The following JPH3 variants were observed in gnomAD, a reference collection of about 807,000 sequenced individuals.
JPH3 encodes junctophilin 3.
JPH3 carries 11 observed loss-of-function variants against 59.6 expected under a neutral mutation model. That is an observed-to-expected ratio of 0.18 (90% confidence interval 0.12 to 0.31). JPH3 has a LOEUF of 0.31. Ranked by LOEUF, JPH3 falls within the 10% of genes least tolerant of loss-of-function variation. The probability of loss-of-function intolerance (pLI) is 1.00; values close to 1 mark genes in which losing one functional copy is unlikely to be tolerated. For missense variants in JPH3, 1,202 were observed against 1,105.7 expected (o/e 1.09, Z -1.24); for synonymous variants, 673 against 483.6 (o/e 1.39, Z -5.14).
intron 1 of JPH3, among the ~76,000 whole-genome samples, chr16:87,642,249 G>C (rs1039451579): frequency 5.3e-5 from 8 of 152,038 alleles, no homozygotes; most frequent in South Asian, 4.2e-4. Context: ...TAGGGAAAGG[G>C]GGGGGGCAGT....
At position 87,689,555 on chromosome 16, in the gene JPH3, G is replaced by A. The variant is rs1386569965; in HGVS notation, c.1286-91G>A. On this transcript the variant is annotated intron_variant, in intron 3 of 4. Transcript: ENST00000284262. Reference sequence around the variant, plus strand: ...TGGGAAGCGCCTCTGCTGCCCTGAGGTTCCCTCTGGCGCCCTGGCCCGGGG... The same window carrying A: ...TGGGAAGCGCCTCTGCTGCCCTGAGATTCCCTCTGGCGCCCTGGCCCGGGG... 7 of 1,389,784 alleles carry A rather than the reference G, an allele frequency of 5.0e-6. No homozygotes were observed. In the East Asian group the frequency reaches 1.3e-4, roughly 25 times the overall value. 86.1% of individuals were successfully genotyped at this position (1,389,784 alleles called of 1,614,324 possible).
chr16:87,681,211 A>T (rs1011262476), intron 2 of JPH3, among the ~76,000 whole-genome samples: 1 of 147,716 alleles, frequency 6.8e-6, no homozygotes, highest in Non-Finnish European at 1.5e-5. Flanking sequence ...CGGTGATGAC[A>T]GTTCCGGGAG....
chr16:87,686,827 C>T (rs4843671), intron 3 of JPH3, among the ~76,000 whole-genome samples: 42,750 of 152,186 alleles, frequency 0.28, 6,127 homozygotes, highest in Middle Eastern at 0.44. Context: ...GATACAGATG[C>T]GGGCCCCTGT....
rs1392791039 is a variant in JPH3, at chr16:87,690,346, G to A, written c.1986G>A (p.Lys662=). The stretch of plus-strand genomic sequence containing the variant: ...GACTGCGGTCCAAGGCCCAGAACAA[G>A]GAGAACTTCAGGCCGGCCTCCTCCG... ...VQRLRSKAQN[K]ENFRPASSAE... Residue 662 remains lysine (K), a synonymous_variant, in exon 4 of 5, where the codon AAG becomes AAA. Coordinates refer to ENST00000284262, the MANE Select transcript of JPH3 (RefSeq NM_020655.4). 1 of 1,572,240 alleles carries A rather than the reference G, an allele frequency of 6.4e-7. No individual in the cohort carries two copies. The highest frequency in any genetic ancestry group is 8.6e-7 in the Non-Finnish European group (1 of 1,160,984).
intron 2 of JPH3, among the ~76,000 whole-genome samples, chr16:87,661,594 G>C (rs2032705080): frequency 6.6e-6 from 1 of 152,230 alleles, no homozygotes; most frequent in Non-Finnish European, 1.5e-5. Context: ...CCGAGGGTCT[G>C]ACTGGGGGAG....
At chr16:87,686,588 C>G (rs2033424876) in intron 3 of JPH3, among the ~76,000 whole-genome samples, 1 of 151,308 alleles carries the variant, frequency 6.6e-6, no homozygotes, top group East Asian at 1.9e-4. Flanking sequence ...AGAGATGCTT[C>G]CTGGAGGGCT....
chr16:87,663,186 G>A (rs1026061437), intron 2 of JPH3, among the ~76,000 whole-genome samples: 1 of 149,110 alleles, frequency 6.7e-6, no homozygotes, highest in Admixed American at 6.7e-5. Context: ...TCGGCTCACT[G>A]CAACTTCCGC....
chr16:87,638,887 G>A (rs4843643), intron 1 of JPH3, among the ~76,000 whole-genome samples: 80,427 of 152,040 alleles, frequency 0.53, 21,721 homozygotes, highest in South Asian at 0.74. Context: ...ATCTGCCTAC[G>A]AATCTCTCAG....
chr16:87,641,597 C>T lies in JPH3; in HGVS notation c.383-2661C>T, dbSNP rs146274514. Among the ~76,000 whole-genome samples, 122 of 152,378 alleles carry T rather than the reference C, an allele frequency of 8.0e-4. 1 individual carries two copies. Among genetic ancestry groups the T allele is most frequent in the Admixed American group, 3.2e-3 (49 of 15,308 alleles). On this transcript the variant is annotated intron_variant, in intron 1 of 4. Transcript: ENST00000284262. ...CCCTTCTCCAGCCCCAAATAAGTCA[C>T]GTTCACAGGATCCCCAGCTCAGGCT...
At chr16:87,636,497 G>A (rs143537714) in intron 1 of JPH3, among the ~76,000 whole-genome samples, 346 of 152,312 alleles carry the variant, frequency 2.3e-3, no homozygotes, top group African/African-American at 8.2e-3. Flanking sequence ...CAACTGCGGC[G>A]AGCGTGGAGG....
intron 2 of JPH3, among the ~76,000 whole-genome samples, chr16:87,676,483 C>T (rs2033143721): frequency 6.6e-6 from 1 of 152,184 alleles, no homozygotes. Context: ...CACCTGTAAT[C>T]TCAGCACCTT....
rs35239550 is a variant in JPH3 at position 87,637,422 on chromosome 16, TTGTGTG to T, written c.383-6820_383-6815del. The stretch of plus-strand genomic sequence containing the variant: ...AGAGAGAGAGAGAGAGTGTGTGTGT[TTGTGTG>T]TGTGTGTGTGTGTGTTTTAAATGAA... On this transcript the variant is annotated intron_variant, in intron 1 of 4. Transcript: ENST00000284262. 6.8e-5 allele frequency among the ~76,000 whole-genome samples: 10 copies of T among 147,604 alleles called. No individual in the cohort carries two copies. The East Asian group carries it at 8.1e-4, about 12-fold the overall frequency.
At chr16:87,654,864 C>T (rs1355806118) in intron 2 of JPH3, 1 of 152,332 alleles carries the variant, frequency 6.6e-6, no homozygotes, top group Non-Finnish European at 1.5e-5. Flanking sequence ...AACCAGCGAC[C>T]ACTCGGCCCG....
intron 2 of JPH3, among the ~76,000 whole-genome samples, chr16:87,676,456 C>T (rs145219839): frequency 8.5e-5 from 13 of 152,246 alleles, no homozygotes; most frequent in African/African-American, 1.4e-4. Flanking sequence ...ATATTTTAGC[C>T]GGGGTGCAGT....
rs374591538 is a variant in JPH3 at position 87,619,418 on chromosome 16, G to T, written c.382+15890G>T. On this transcript the variant is annotated intron_variant, in intron 1 of 4. Transcript: ENST00000284262. ...GAGCCACCGGCTCCCCTGCACCCCA[G>T]CCCACCTGGCTGCAGGCTGCCTGCT... 1.2e-4 allele frequency among the ~76,000 whole-genome samples: 19 copies of T among 152,154 alleles called. No homozygotes were observed. In the East Asian group the frequency reaches 1.9e-3, roughly 15 times the overall value.
chr16:87,650,605 G>A (rs2150850347), intron 2 of JPH3, among the ~76,000 whole-genome samples: 1 of 152,348 alleles, frequency 6.6e-6, no homozygotes, highest in South Asian at 2.1e-4. Context: ...AAAAGTAATT[G>A]AAGAAAATTA....
At chr16:87,683,913 G>A (rs1239660194) in intron 2 of JPH3, 1 of 535,460 alleles carries the variant, frequency 1.9e-6, no homozygotes, top group African/African-American at 1.9e-5. Flanking sequence ...GCCCAGAGGT[G>A]TTTTCAAGCA....
chr16:87,689,687 G>A lies in JPH3; in HGVS notation c.1327G>A (p.Asp443Asn), dbSNP rs781042134. 4 of 1,612,240 alleles carry A rather than the reference G, an allele frequency of 2.5e-6. No homozygotes were observed. Among genetic ancestry groups the A allele is most frequent in the African/African-American group, 1.3e-5 (1 of 74,876 alleles). ...QRPKRQTSCD[D>N]IEVLSTGTPL... ...GCCGAAGCGTCAGACCTCCTGTGAC[G>A]ACATCGAGGTGCTGTCCACCGGGAC... The change falls in exon 4 of 5, where the codon GAC becomes AAC. Residue 443 changes from aspartate to asparagine, a missense_variant. By Grantham distance (23) the Asp-to-Asn change is conservative. Coordinates refer to ENST00000284262, the MANE Select transcript of JPH3 (RefSeq NM_020655.4).
intron 2 of JPH3, among the ~76,000 whole-genome samples, chr16:87,664,283 A>T (rs1370163147): frequency 2.8e-5 from 4 of 140,354 alleles, no homozygotes; most frequent in Admixed American, 7.7e-5. Flanking sequence ...GTGAGCCGAG[A>T]TTGCGCCACT....
Sources: allele counts gnomAD v4.1 joint callset (sites outside exome capture counted in the v4.1 genomes callset), GRCh38; gene constraint gnomAD v4.1.1; transcripts MANE v1.5; gene names NCBI Gene and HGNC (gene_info 2026-07-23, HGNC 2026-07-21).